Variants in SNTB2 observed in about 807,000 individuals in gnomAD.
SNTB2 encodes the protein beta-2-syntrophin.
In SNTB2, 34 loss-of-function variants were observed where a neutral mutation model predicts 46.2. The ratio of observed to expected loss-of-function variants is 0.74; its 90% CI spans 0.56 to 0.98. The LOEUF is 0.98. SNTB2 is among the 50% of genes least tolerant of loss of function. The pLI is 0.00. For synonymous variants in SNTB2, 290 were observed against 312.6 expected, an observed-to-expected ratio of 0.93 and a Z score of 0.76; for missense variants, 603 against 731.4, an observed-to-expected ratio of 0.82 and a Z score of 2.02.
At chr16:69,199,881 G>A (rs1158610800) in intron 1 of SNTB2, among the ~76,000 whole-genome samples, 3 of 151,660 alleles carry the variant, frequency 2.0e-5, no homozygotes, top group African/African-American at 7.3e-5. Context: ...TTTAAAAAAT[G>A]TTTTATTTTA....
intron 1 of SNTB2, among the ~76,000 whole-genome samples, chr16:69,208,998 G>GTGTGTGTGTGTGTGTGTGTGT (rs1567397581): frequency 1.3e-5 from 2 of 152,042 alleles, no homozygotes; most frequent in Admixed American, 6.6e-5. Context: ...GTGTTTTTGA[G>GTGTGTGTGTGTGTGTGTGTGT]ATGGAGTCTC....
chr16:69,296,443 G>A (rs1381232478), intron 5 of SNTB2, among the ~76,000 whole-genome samples: 7 of 151,514 alleles, frequency 4.6e-5, no homozygotes, highest in Non-Finnish European at 1.0e-4. Flanking sequence ...ATCTCAGGCC[G>A]GTCGCGGTGG....
intron 1 of SNTB2, among the ~76,000 whole-genome samples, chr16:69,225,466 C>T (rs1964449578): frequency 1.3e-5 from 2 of 152,150 alleles, no homozygotes; most frequent in Admixed American, 6.5e-5. Flanking sequence ...TTCGTTGTCT[C>T]GTGGAAGTTT....
chr16:69,187,259 C>T lies in SNTB2; in HGVS notation c.93C>T (p.Leu31=), dbSNP rs1050423925. 2.0e-6 allele frequency: 3 copies of T among 1,488,138 alleles called. No individual in the cohort carries two copies. The highest frequency in any genetic ancestry group is 1.8e-6 in the Non-Finnish European group (2 of 1,123,980). 92.2% of individuals were successfully genotyped at this position (1,488,138 alleles called of 1,614,324 possible). The change falls in exon 1 of 7, where the codon CTC becomes CTT. Residue 31 remains leucine (L), a synonymous_variant. Transcript: ENST00000336278. ...RATKAGLVEL[L]LRERWVRVVA... ...CCAAAGCGGGGCTGGTGGAGCTGCT[C>T]CTGAGGGAGCGCTGGGTCCGAGTGG...
intron 2 of SNTB2, among the ~76,000 whole-genome samples, chr16:69,254,080 T>A (rs1312951869): frequency 1.3e-5 from 2 of 151,998 alleles, no homozygotes; most frequent in Non-Finnish European, 2.9e-5. Flanking sequence ...AGCAACTAGA[T>A]GGAAATAAAT....
chr16:69,211,934 T>A (rs770292487), intron 1 of SNTB2, among the ~76,000 whole-genome samples: 17 of 152,222 alleles, frequency 1.1e-4, no homozygotes, highest in African/African-American at 3.9e-4. Context: ...AAGTCTTTTA[T>A]AGGTTTTAGG....
intron 1 of SNTB2, among the ~76,000 whole-genome samples, chr16:69,200,273 C>T (rs1964149344): frequency 6.6e-6 from 1 of 152,108 alleles, no homozygotes; most frequent in South Asian, 2.1e-4. Context: ...AGATATTAGG[C>T]GTATTTTGAC....
At chr16:69,191,557 CAAAA>C (rs1204153764) in intron 1 of SNTB2, among the ~76,000 whole-genome samples, 1 of 60,298 alleles carries the variant, frequency 1.7e-5, no homozygotes, top group Admixed American at 1.9e-4. Flanking sequence ...GATCCTGTCT[CAAAA>C]AAAAAAAAAA....
chr16:69,199,938 A>G (rs952740159), intron 1 of SNTB2, among the ~76,000 whole-genome samples: 2 of 151,780 alleles, frequency 1.3e-5, no homozygotes, highest in Non-Finnish European at 1.5e-5. Context: ...TTTTTGAGAC[A>G]GAATCTCCCT....
At chr16:69,252,903 GTT>G (rs35211076) in intron 2 of SNTB2, among the ~76,000 whole-genome samples, 10 of 133,264 alleles carry the variant, frequency 7.5e-5, no homozygotes, top group African/African-American at 1.4e-4. Context: ...CCCTTTGTCA[GTT>G]TTTTTTTTTT....
intron 1 of SNTB2, among the ~76,000 whole-genome samples, chr16:69,195,565 G>T (rs1454630039): frequency 2.6e-5 from 4 of 151,932 alleles, no homozygotes; most frequent in Non-Finnish European, 5.9e-5. Context: ...CTAGGTTTAG[G>T]TTCAGTGGGA....
chr16:69,257,837 C>T (rs1351060404), intron 2 of SNTB2, among the ~76,000 whole-genome samples: 1 of 152,218 alleles, frequency 6.6e-6, no homozygotes, highest in African/African-American at 2.4e-5. Flanking sequence ...GATGGATAGA[C>T]TGGTAGGTAG....
chr16:69,277,147 C>A (rs756894096), intron 4 of SNTB2, among the ~76,000 whole-genome samples: 11 of 152,150 alleles, frequency 7.2e-5, no homozygotes, highest in Non-Finnish European at 1.3e-4. Flanking sequence ...TTTAGTGAGA[C>A]TTGGGTATTT....
intron 2 of SNTB2, among the ~76,000 whole-genome samples, chr16:69,255,441 T>C (rs1218192919): frequency 6.6e-6 from 1 of 151,650 alleles, no homozygotes; most frequent in Non-Finnish European, 1.5e-5. Context: ...GTGCCTGTAG[T>C]CACAACTACT....
At chr16:69,292,419 T>G (rs866284229) in intron 5 of SNTB2, among the ~76,000 whole-genome samples, 3 of 2,026 alleles carry the variant, frequency 1.5e-3, no homozygotes, top group Non-Finnish European at 2.3e-3. Context: ...ATATATATAT[T>G]ATATATATAT....
Position 69,304,839 on chromosome 16 carries a change from G to A in SNTB2, c.*3915G>A, listed in dbSNP as rs1482659649. The A allele has an allele frequency of 2.0e-5, 3 of 151,038 alleles. No individual in the cohort carries two copies. The highest frequency in any genetic ancestry group is 6.6e-5 in the Admixed American group (1 of 15,138). 9.4% of individuals were successfully genotyped at this position (151,038 alleles called of 1,614,324 possible). A position where few individuals can be genotyped will look rare whatever the true frequency, so the allele number is the denominator to read the frequency against. On this transcript the variant is annotated 3_prime_UTR_variant, in exon 7 of 7. Coordinates refer to ENST00000336278, the MANE Select transcript of SNTB2 (RefSeq NM_006750.4). ...CCACCACACCTGGCTAATTTTTATG[G>A]ATTTTTTTTTCTTTTTTTTTTTTCG...
intron 2 of SNTB2, among the ~76,000 whole-genome samples, chr16:69,251,002 G>A (rs1208352101): frequency 6.9e-6 from 1 of 144,520 alleles, no homozygotes; most frequent in South Asian, 2.2e-4. Flanking sequence ...TTTTTGAGAC[G>A]GAGTCTCGCT....
intron 1 of SNTB2, among the ~76,000 whole-genome samples, chr16:69,192,216 G>A (rs186604649): frequency 3.9e-5 from 6 of 152,304 alleles, no homozygotes; most frequent in South Asian, 2.1e-4. Context: ...CTTTGGAGCC[G>A]GTGGTGGTAG....
chr16:69,278,364 C>T (rs1328832401), intron 4 of SNTB2, among the ~76,000 whole-genome samples: 1 of 151,484 alleles, frequency 6.6e-6, no homozygotes, highest in East Asian at 1.9e-4. Flanking sequence ...ATAGATTAAA[C>T]TGTAAAGCAA....
Sources: gnomAD v4.1 joint callset for allele counts (sites outside exome capture counted in the v4.1 genomes callset) on GRCh38, gnomAD v4.1.1 for gene constraint, MANE v1.5 for transcripts, NCBI Gene and HGNC (gene_info 2026-07-23, HGNC 2026-07-21) for gene names.